Variants in PPFIBP1 observed in about 807,000 individuals in gnomAD.
The protein encoded by PPFIBP1 is liprin-beta-1.
In PPFIBP1, 112 loss-of-function variants were observed where a neutral mutation model predicts 137.8. That is an observed-to-expected ratio of 0.81 (90% CI 0.70 to 0.95). PPFIBP1 has a LOEUF of 0.95. PPFIBP1 is among the 40% of genes least tolerant of loss of function. The pLI is 0.00. For synonymous variants in PPFIBP1, 378 were observed against 417.3 expected, an observed-to-expected ratio of 0.91 and a Z score of 1.15; for missense variants, 1,083 against 1,196.6, an observed-to-expected ratio of 0.91 and a Z score of 1.40.
intron 5 of PPFIBP1, among the ~76,000 whole-genome samples, chr12:27,646,934 CT>C (rs1049229916): frequency 1.1e-4 from 16 of 152,218 alleles, no homozygotes; most frequent in Non-Finnish European, 1.6e-4. Context: ...GTTGCCCCCC[CT>C]GACTTTGAAC....
chr12:27,605,308 C>T (rs2054414114), intron 2 of PPFIBP1, among the ~76,000 whole-genome samples: 1 of 152,008 alleles, frequency 6.6e-6, no homozygotes, highest in Admixed American at 6.6e-5. Flanking sequence ...TTTTTAAAAC[C>T]TACCAAGAGC....
At chr12:27,620,090 C>T (rs2056188623) in intron 2 of PPFIBP1, among the ~76,000 whole-genome samples, 2 of 152,126 alleles carry the variant, frequency 1.3e-5, no homozygotes, top group African/African-American at 2.4e-5. Context: ...TAGAACACCT[C>T]TCATCTGAAT....
intron 28 of PPFIBP1, 137 bp downstream of exon 28, chr12:27,692,065 A>T: frequency 1.1e-5 from 8 of 717,558 alleles, no homozygotes; most frequent in Non-Finnish European, 1.8e-5. Context: ...GAACACTTAG[A>T]GATCACTTAT....
chr12:27,623,157 GA>G (rs1174662764), intron 2 of PPFIBP1, among the ~76,000 whole-genome samples: 3 of 152,110 alleles, frequency 2.0e-5, no homozygotes, highest in African/African-American at 7.2e-5. Context: ...AGGTTTTAAA[GA>G]GTTAAAAAGA....
At chr12:27,555,812 T>C (rs1345604770) in intron 1 of PPFIBP1, among the ~76,000 whole-genome samples, 1 of 152,222 alleles carries the variant, frequency 6.6e-6, no homozygotes, top group Non-Finnish European at 1.5e-5. Flanking sequence ...TTGACAAATA[T>C]GTTTATTATT....
rs868568501 is a variant in PPFIBP1 at position 27,595,833 on chromosome 12, A to G, written c.-36+17594A>G. Among the ~76,000 whole-genome samples the G allele has an allele frequency of 8.8e-5, 13 of 147,004 alleles. 1 individual carries two copies. The highest frequency in any genetic ancestry group is 2.6e-4 in the African/African-American group (10 of 38,876). Reference sequence around the variant, plus strand: ...AGCGCCATTGCACTCCAGCCTGGGCAACAACAGCGACACTCTGATCAACAA... The same window carrying G: ...AGCGCCATTGCACTCCAGCCTGGGCGACAACAGCGACACTCTGATCAACAA... On this transcript the variant is annotated intron_variant, in intron 2 of 29. Coordinates refer to ENST00000228425, the MANE Select transcript of PPFIBP1 (RefSeq NM_003622.4).
chr12:27,596,309 A>G (rs913471457), intron 2 of PPFIBP1, among the ~76,000 whole-genome samples: 7 of 152,146 alleles, frequency 4.6e-5, no homozygotes, highest in Admixed American at 6.5e-5. Context: ...GTTCTGTTAA[A>G]TAAGATGTTT....
intron 13 of PPFIBP1, among the ~76,000 whole-genome samples, chr12:27,668,674 G>A (rs1444476879): frequency 1.3e-5 from 2 of 152,154 alleles, no homozygotes; most frequent in East Asian, 1.9e-4. Flanking sequence ...ATAATTCACT[G>A]CATTACAGAA....
At chr12:27,640,933 G>A (rs924164329) in intron 4 of PPFIBP1, among the ~76,000 whole-genome samples, 4 of 152,122 alleles carry the variant, frequency 2.6e-5, no homozygotes, top group Non-Finnish European at 4.4e-5. Flanking sequence ...ATTTCTTTTG[G>A]TAACTAGAGA....
chr12:27,598,609 TGAAA>T (rs1440512098), intron 2 of PPFIBP1, among the ~76,000 whole-genome samples: 4 of 151,818 alleles, frequency 2.6e-5, no homozygotes, highest in African/African-American at 9.7e-5. Flanking sequence ...ACTCAGGTAG[TGAAA>T]GTACCTGAAA....
chr12:27,639,971 G>A (rs1380776896), intron 4 of PPFIBP1, among the ~76,000 whole-genome samples: 1 of 152,060 alleles, frequency 6.6e-6, no homozygotes, highest in Admixed American at 6.6e-5. Flanking sequence ...TGTGCCTCCA[G>A]GAAATGTTTT....
chr12:27,651,306 T>C (rs1173511151), intron 7 of PPFIBP1, among the ~76,000 whole-genome samples: 1 of 151,874 alleles, frequency 6.6e-6, no homozygotes, highest in African/African-American at 2.4e-5. Context: ...AGGATCTTAC[T>C]GTGTTGCCCA....
chr12:27,606,162 G>A (rs1179240388), intron 2 of PPFIBP1, among the ~76,000 whole-genome samples: 3 of 152,178 alleles, frequency 2.0e-5, no homozygotes, highest in Non-Finnish European at 4.4e-5. Context: ...CAAAGACAGT[G>A]CTATTTTAAG....
intron 26 of PPFIBP1, 79 bp downstream of exon 26, chr12:27,688,502 T>A (rs1269532647): frequency 6.5e-7 from 1 of 1,539,608 alleles, no homozygotes; most frequent in Non-Finnish European, 8.8e-7. Context: ...AATTTTTGCT[T>A]ATCATAATCC....
chr12:27,543,701 T>C (rs912302527), intron 1 of PPFIBP1, among the ~76,000 whole-genome samples: 1 of 152,170 alleles, frequency 6.6e-6, no homozygotes, highest in Non-Finnish European at 1.5e-5. Flanking sequence ...TTTCCTGTCA[T>C]GTTTAGAGTT....
chr12:27,671,809 C>T (rs1221035291), intron 14 of PPFIBP1, among the ~76,000 whole-genome samples: 3 of 152,210 alleles, frequency 2.0e-5, no homozygotes, highest in Non-Finnish European at 2.9e-5. Flanking sequence ...TGGTGGCTCA[C>T]GCCTGTAATC....
At chr12:27,605,009 C>T (rs758807958) in intron 2 of PPFIBP1, among the ~76,000 whole-genome samples, 5 of 152,008 alleles carry the variant, frequency 3.3e-5, no homozygotes, top group Non-Finnish European at 7.4e-5. Context: ...TGGGAAAGAC[C>T]CCCTCCATGA....
At chr12:27,672,560 A>G in intron 15 of PPFIBP1, 77 bp downstream of exon 15, 1 of 1,069,330 alleles carries the variant, frequency 9.4e-7, no homozygotes, top group Non-Finnish European at 1.4e-6. Context: ...AACAATTACT[A>G]ATATTAACAG....
In PPFIBP1 at chr12:27,588,290, G is replaced by GT. The variant is rs576381330; in HGVS notation, c.-36+10058dup. ...GGGTAATCTTAGAGAGCATGTGCAT[G>GT]TTTTTTTCCCTGACAGTGATTCACC... On this transcript the variant is annotated intron_variant, in intron 2 of 29. Coordinates refer to ENST00000228425, the MANE Select transcript of PPFIBP1 (RefSeq NM_003622.4). 5.0e-3 allele frequency among the ~76,000 whole-genome samples: 767 copies of GT among 152,202 alleles called. 4 individuals are homozygous for GT. The highest frequency in any genetic ancestry group is 0.041 in the Middle Eastern group (12 of 294).
Sources: allele counts gnomAD v4.1 joint callset (sites outside exome capture counted in the v4.1 genomes callset), GRCh38; gene constraint gnomAD v4.1.1; transcripts MANE v1.5; gene names NCBI Gene and HGNC (gene_info 2026-07-23, HGNC 2026-07-21).